The following FHIT variants were observed in gnomAD, a reference collection of about 807,000 sequenced individuals.
The protein encoded by FHIT is fragile histidine triad diadenosine triphosphatase, also known as bis(5'-adenosyl)-triphosphatase.
A neutral mutation model predicts 17.9 loss-of-function variants in FHIT; 19 were observed. The observed-to-expected ratio is 1.06, with a 90% CI of 0.74 to 1.56. FHIT has a LOEUF of 1.56. FHIT is among the 40% of genes most tolerant of loss of function. The pLI is 0.00. For synonymous variants in FHIT, 81 were observed against 69.7 expected, an observed-to-expected ratio of 1.16 and a Z score of -0.81; for missense variants, 248 against 189.2, an observed-to-expected ratio of 1.31 and a Z score of -1.82.
chr3:60,002,638 C>A (rs765364282), intron 7 of FHIT, among the ~76,000 whole-genome samples: 3 of 152,200 alleles, frequency 2.0e-5, no homozygotes, highest in Non-Finnish European at 2.9e-5. Flanking sequence ...AATTCTTCCA[C>A]ATCTGTGGCT....
chr3:60,557,173 T>A (rs2036769791), intron 4 of FHIT, among the ~76,000 whole-genome samples: 1 of 152,090 alleles, frequency 6.6e-6, no homozygotes, highest in Admixed American at 6.5e-5. Flanking sequence ...CACCCTAATT[T>A]TACAAAAGAA....
chr3:59,973,276 T>C (rs145813211), intron 7 of FHIT, among the ~76,000 whole-genome samples: 1 of 152,240 alleles, frequency 6.6e-6, no homozygotes, highest in East Asian at 1.9e-4. Flanking sequence ...CCTTCAGTCA[T>C]TTCCTACCAT....
intron 4 of FHIT, among the ~76,000 whole-genome samples, chr3:60,584,321 A>T (rs2037839471): frequency 6.6e-6 from 1 of 151,974 alleles, no homozygotes; most frequent in Non-Finnish European, 1.5e-5. Flanking sequence ...CAATTGTTAA[A>T]CATTGGCCAG....
chr3:60,516,638 T>C (rs554371928), intron 5 of FHIT, among the ~76,000 whole-genome samples: 5 of 152,206 alleles, frequency 3.3e-5, no homozygotes, highest in African/African-American at 1.2e-4. Flanking sequence ...ATACCAACAG[T>C]ACCCACCTGA....
chr3:60,801,660 T>C (rs570666508), intron 4 of FHIT, among the ~76,000 whole-genome samples: 4 of 152,340 alleles, frequency 2.6e-5, no homozygotes, highest in African/African-American at 4.8e-5. Flanking sequence ...AATTAACTTA[T>C]TAATCTTATG....
At chr3:60,369,202 G>C (rs919106089) in intron 5 of FHIT, among the ~76,000 whole-genome samples, 1 of 151,606 alleles carries the variant, frequency 6.6e-6, no homozygotes, top group Non-Finnish European at 1.5e-5. Context: ...TGAATTCTAG[G>C]ATCAAACAAT....
chr3:60,089,396 T>G (rs148205834), intron 5 of FHIT, among the ~76,000 whole-genome samples: 1 of 152,178 alleles, frequency 6.6e-6, no homozygotes. Flanking sequence ...TCCCTGTCCA[T>G]TGTTGTACAT....
At chr3:59,983,374 C>A (rs914036975) in intron 7 of FHIT, among the ~76,000 whole-genome samples, 1 of 152,042 alleles carries the variant, frequency 6.6e-6, no homozygotes, top group Non-Finnish European at 1.5e-5. Context: ...TTTCAAGTTG[C>A]CTACAATCAA....
chr3:60,174,079 A>T (rs1365926787), intron 5 of FHIT, among the ~76,000 whole-genome samples: 2 of 150,212 alleles, frequency 1.3e-5, no homozygotes, highest in Non-Finnish European at 3.0e-5. Flanking sequence ...ACGCCCAGCT[A>T]ATTTTTGTAT....
At chr3:60,324,347 G>T (rs1172693646) in intron 5 of FHIT, among the ~76,000 whole-genome samples, 1 of 92,688 alleles carries the variant, frequency 1.1e-5, no homozygotes, top group Non-Finnish European at 2.5e-5. Context: ...GAACTTTGGA[G>T]GCTGAGGCTG....
At chr3:60,586,447 G>C (rs1207720413) in intron 4 of FHIT, among the ~76,000 whole-genome samples, 1 of 151,842 alleles carries the variant, frequency 6.6e-6, no homozygotes, top group African/African-American at 2.4e-5. Context: ...AATTCAAAGA[G>C]GTAAAAACAG....
intron 2 of FHIT, among the ~76,000 whole-genome samples, chr3:61,072,427 G>A (rs1001496910): frequency 2.0e-5 from 3 of 152,150 alleles, no homozygotes; most frequent in Non-Finnish European, 2.9e-5. Context: ...ACAATTGTTG[G>A]AGGCCAGGGT....
At chr3:61,049,075 T>C (rs1430588311) in intron 2 of FHIT, among the ~76,000 whole-genome samples, 1 of 151,938 alleles carries the variant, frequency 6.6e-6, no homozygotes, top group Non-Finnish European at 1.5e-5. Context: ...TGTATACATA[T>C]GTAACAAACC....
intron 4 of FHIT, among the ~76,000 whole-genome samples, chr3:60,788,570 C>T (rs1553727593): frequency 1.3e-5 from 2 of 152,032 alleles, no homozygotes; most frequent in African/African-American, 4.8e-5. Context: ...TTAAGGAAGA[C>T]GTGGATACTA....
intron 5 of FHIT, among the ~76,000 whole-genome samples, chr3:60,341,241 G>T (rs2106900821): frequency 6.6e-6 from 1 of 152,078 alleles, no homozygotes; most frequent in East Asian, 1.9e-4. Flanking sequence ...TAGTTTGTAA[G>T]GTATACCTAT....
At chr3:60,625,178 G>T (rs1252642923) in intron 4 of FHIT, among the ~76,000 whole-genome samples, 1 of 152,112 alleles carries the variant, frequency 6.6e-6, no homozygotes, top group Non-Finnish European at 1.5e-5. Context: ...CAAAATGTTG[G>T]GATTACAGGC....
chr3:60,577,675 T>A (rs188854892), intron 4 of FHIT, among the ~76,000 whole-genome samples: 2 of 152,138 alleles, frequency 1.3e-5, no homozygotes, highest in Admixed American at 1.3e-4. Context: ...CTTTCCTGAT[T>A]ACTGAAATTT....
chr3:60,508,788 A>C (rs1424189933), intron 5 of FHIT, among the ~76,000 whole-genome samples: 1 of 152,120 alleles, frequency 6.6e-6, no homozygotes, highest in Non-Finnish European at 1.5e-5. Context: ...GTGTTTCAAC[A>C]ATCTTTAGAG....
At chr3:59,764,562 C>T (rs574178460) in intron 8 of FHIT, among the ~76,000 whole-genome samples, 30 of 152,292 alleles carry the variant, frequency 2.0e-4, no homozygotes, top group African/African-American at 7.2e-4. Flanking sequence ...CTTCAAAGAA[C>T]CTGGCCCATG....
Sources: allele counts gnomAD v4.1 joint callset (sites outside exome capture counted in the v4.1 genomes callset), GRCh38; gene constraint gnomAD v4.1.1; transcripts MANE v1.5; gene names NCBI Gene and HGNC (gene_info 2026-07-23, HGNC 2026-07-21).